SIPA1L1: variants seen among roughly 807,000 people sequenced by gnomAD.
SIPA1L1 encodes signal-induced proliferation-associated 1-like protein 1.
In SIPA1L1, 26 loss-of-function variants were observed where a neutral mutation model predicts 162.7. That is an observed-to-expected ratio of 0.16 (90% CI 0.12 to 0.22). SIPA1L1 has a LOEUF of 0.22. SIPA1L1 is among the 10% of genes least tolerant of loss of function. The pLI is 1.00. For missense variants in SIPA1L1, 1,874 were observed against 2,241.0 expected, an observed-to-expected ratio of 0.84 and a Z score of 3.31; for synonymous variants, 829 against 837.4, an observed-to-expected ratio of 0.99 and a Z score of 0.17.
chr14:71,375,433 A>G (rs1329461275), intron 2 of SIPA1L1, among the ~76,000 whole-genome samples: 5 of 152,064 alleles, frequency 3.3e-5, no homozygotes, highest in African/African-American at 1.2e-4. Flanking sequence ...ATTTTTTTTT[A>G]CATCAGCTTT....
chr14:71,366,416 T>C (rs2140941896), intron 2 of SIPA1L1, among the ~76,000 whole-genome samples: 1 of 152,164 alleles, frequency 6.6e-6, no homozygotes, highest in Middle Eastern at 3.4e-3. Context: ...GGGACCATGT[T>C]TCTGTTTTGG....
chr14:71,513,807 A>G (rs753344117), intron 3 of SIPA1L1, among the ~76,000 whole-genome samples: 1 of 152,180 alleles, frequency 6.6e-6, no homozygotes, highest in Non-Finnish European at 1.5e-5. Flanking sequence ...TTCAAGAAAG[A>G]AATTGGCGAG....
At chr14:71,438,376 C>G (rs1281263686) in intron 2 of SIPA1L1, among the ~76,000 whole-genome samples, 4 of 152,180 alleles carry the variant, frequency 2.6e-5, no homozygotes, top group African/African-American at 9.7e-5. Flanking sequence ...CCCCTGTGGC[C>G]TTCCTGCTCT....
intron 17 of SIPA1L1, among the ~76,000 whole-genome samples, chr14:71,714,471 A>G (rs557597366): frequency 6.6e-6 from 1 of 152,380 alleles, no homozygotes; most frequent in Admixed American, 6.5e-5. Context: ...GAAAGGGCAG[A>G]GAGCCCATTC....
intron 13 of SIPA1L1, among the ~76,000 whole-genome samples, chr14:71,688,691 G>A (rs1209051218): frequency 6.6e-6 from 1 of 152,136 alleles, no homozygotes; most frequent in Non-Finnish European, 1.5e-5. Flanking sequence ...GCCGTCCTGA[G>A]TGCCATTTAC....
intron 4 of SIPA1L1, among the ~76,000 whole-genome samples, chr14:71,548,095 T>G (rs1454007361): frequency 1.3e-5 from 2 of 152,256 alleles, no homozygotes; most frequent in African/African-American, 4.8e-5. Context: ...GAACAATGCC[T>G]TATTGCAAAT....
intron 2 of SIPA1L1, among the ~76,000 whole-genome samples, chr14:71,337,182 A>G (rs1001057739): frequency 2.0e-5 from 3 of 152,206 alleles, no homozygotes; most frequent in South Asian, 2.1e-4. Context: ...GGCCTCTACC[A>G]GACTATGTCT....
intron 2 of SIPA1L1, among the ~76,000 whole-genome samples, chr14:71,368,277 C>A (rs1238981382): frequency 6.9e-6 from 1 of 143,974 alleles, no homozygotes; most frequent in Non-Finnish European, 1.5e-5. Flanking sequence ...GTCATCTAGC[C>A]TTAGGTATAT....
At chr14:71,609,084 A>G (rs2037877371) in intron 5 of SIPA1L1, among the ~76,000 whole-genome samples, 1 of 152,138 alleles carries the variant, frequency 6.6e-6, no homozygotes, top group South Asian at 2.1e-4. Context: ...ATACAGTTGT[A>G]TATTTTTGTC....
In SIPA1L1 at chr14:71,501,401, A is replaced by G. The variant is rs2050203099; in HGVS notation, c.-464-11342A>G. On this transcript the variant is annotated intron_variant, in intron 2 of 23. Transcript: ENST00000381232. ...AATCCTCTGTAGTATTTTGCTTTCC[A>G]TAGCAACAAAGATGAAGTTCACAAT... Among the ~76,000 whole-genome samples, 5 of 152,200 alleles carry G rather than the reference A, an allele frequency of 3.3e-5. 1 individual carries two copies. In the South Asian group the frequency reaches 8.3e-4, roughly 25 times the overall value.
chr14:71,401,222 T>C (rs1361296147), intron 2 of SIPA1L1, among the ~76,000 whole-genome samples: 1 of 152,208 alleles, frequency 6.6e-6, no homozygotes, highest in African/African-American at 2.4e-5. Flanking sequence ...CTAAAACTGA[T>C]GTTTTTCCAA....
intron 2 of SIPA1L1, among the ~76,000 whole-genome samples, chr14:71,402,170 T>C (rs1240896223): frequency 6.6e-6 from 1 of 151,998 alleles, no homozygotes; most frequent in Admixed American, 6.6e-5. Context: ...AAGAGTATTA[T>C]AGGAATTAGA....
intron 2 of SIPA1L1, among the ~76,000 whole-genome samples, chr14:71,498,981 C>A (rs929224490): frequency 4.6e-5 from 7 of 152,110 alleles, no homozygotes; most frequent in Admixed American, 1.3e-4. Context: ...TAGGATACTT[C>A]AGATTCTTCA....
chr14:71,726,758 T>C (rs1597251628), intron 19 of SIPA1L1, among the ~76,000 whole-genome samples: 1 of 152,238 alleles, frequency 6.6e-6, no homozygotes, highest in East Asian at 1.9e-4. Flanking sequence ...TTTCATCTTA[T>C]TTGAGCAGGT....
At chr14:71,420,160 A>G (rs1243633080) in intron 2 of SIPA1L1, among the ~76,000 whole-genome samples, 2 of 152,232 alleles carry the variant, frequency 1.3e-5, no homozygotes, top group Admixed American at 6.5e-5. Context: ...TATGTAGAGA[A>G]CATTTTGCTT....
chr14:71,697,060 A>T (rs1341495321), intron 13 of SIPA1L1, among the ~76,000 whole-genome samples: 1 of 152,166 alleles, frequency 6.6e-6, no homozygotes, highest in East Asian at 1.9e-4. Flanking sequence ...CAAGGCCTTA[A>T]AGAGGGTCTC....
intron 2 of SIPA1L1, among the ~76,000 whole-genome samples, chr14:71,372,690 T>G (rs1234112787): frequency 6.6e-6 from 1 of 152,180 alleles, no homozygotes. Flanking sequence ...GAACCGAGGT[T>G]AAGTGGTATT....
chr14:71,600,364 C>G (rs939411078), intron 5 of SIPA1L1, among the ~76,000 whole-genome samples: 1 of 152,128 alleles, frequency 6.6e-6, no homozygotes, highest in Non-Finnish European at 1.5e-5. Context: ...GTCCTTTCCC[C>G]ATTGTGTGTT....
intron 7 of SIPA1L1, among the ~76,000 whole-genome samples, chr14:71,639,810 GTA>G: frequency 6.6e-6 from 1 of 152,212 alleles, no homozygotes; most frequent in East Asian, 1.9e-4. Context: ...AGGTGTAAAA[GTA>G]ATTCAGTGGA....
Sources: allele counts gnomAD v4.1 joint callset (sites outside exome capture counted in the v4.1 genomes callset), GRCh38; gene constraint gnomAD v4.1.1; transcripts MANE v1.5; gene names NCBI Gene and HGNC (gene_info 2026-07-23, HGNC 2026-07-21).